The following SH3PXD2A variants were observed in gnomAD, a reference collection of about 807,000 sequenced individuals.
SH3PXD2A encodes SH3 and PX domain-containing protein 2A.
Under a neutral mutation model 115.2 loss-of-function variants are expected in SH3PXD2A, and 32 were observed. The ratio of observed to expected loss-of-function variants is 0.28; its 90% CI spans 0.21 to 0.37. The LOEUF is 0.37. SH3PXD2A is among the 10% of genes least tolerant of loss of function. SH3PXD2A has a pLI of 1.00. For synonymous variants in SH3PXD2A, 610 were observed against 629.1 expected (o/e 0.97, Z 0.45); for missense variants, 1,328 against 1,498.7 (o/e 0.89, Z 1.88).
At chr10:103,737,919 A>G (rs1343887273) in intron 3 of SH3PXD2A, among the ~76,000 whole-genome samples, 1 of 152,216 alleles carries the variant, frequency 6.6e-6, no homozygotes, top group East Asian at 1.9e-4. Context: ...ATCCTATTGC[A>G]TGTGACCTGC....
Position 103,696,893 on chromosome 10 carries a change from G to A in SH3PXD2A, c.399-3837C>T, listed in dbSNP as rs137901467. Reference sequence around the variant, plus strand: ...TTCAGGGCTCAAACTGGACAAACTGGGATGGGTGATCTCCTGTGGTCCACA... The same window carrying A: ...TTCAGGGCTCAAACTGGACAAACTGAGATGGGTGATCTCCTGTGGTCCACA... On this transcript the variant is annotated intron_variant, in intron 5 of 14. Transcript: ENST00000369774. Among the ~76,000 whole-genome samples the A allele has an allele frequency of 2.7e-3, 413 of 152,278 alleles. 3 individuals are homozygous for A. The highest frequency in any genetic ancestry group is 9.4e-3 in the African/African-American group (392 of 41,566).
At chr10:103,708,154 C>G (rs954816615) in intron 5 of SH3PXD2A, among the ~76,000 whole-genome samples, 2 of 152,218 alleles carry the variant, frequency 1.3e-5, no homozygotes, top group African/African-American at 4.8e-5. Context: ...GACACATGAG[C>G]CTGGCCTCCT....
intron 10 of SH3PXD2A, among the ~76,000 whole-genome samples, chr10:103,618,060 C>T (rs1446434526): frequency 2.6e-5 from 4 of 152,246 alleles, no homozygotes; most frequent in African/African-American, 9.6e-5. Flanking sequence ...ACATGCTGTG[C>T]CAACCACGCA....
At chr10:103,648,554 C>T (rs1189599712) in intron 8 of SH3PXD2A, among the ~76,000 whole-genome samples, 2 of 152,234 alleles carry the variant, frequency 1.3e-5, no homozygotes, top group Non-Finnish European at 2.9e-5. Flanking sequence ...ATCTTGTCCT[C>T]ATCTGACATA....
intron 10 of SH3PXD2A, 76 bp downstream of exon 10, chr10:103,622,394 G>A (rs955305334): frequency 4.1e-6 from 4 of 970,266 alleles, no homozygotes; most frequent in Non-Finnish European, 6.3e-6. Context: ...AGAGAGCAGA[G>A]CCCGGAAAGA....
At chr10:103,787,957 G>T (rs1200788175) in intron 2 of SH3PXD2A, among the ~76,000 whole-genome samples, 1 of 152,070 alleles carries the variant, frequency 6.6e-6, no homozygotes, top group Non-Finnish European at 1.5e-5. Flanking sequence ...CCAAACCCTG[G>T]TGGCTTTGGG....
At chr10:103,854,702 C>A (rs1263858307) in intron 1 of SH3PXD2A, among the ~76,000 whole-genome samples, 1 of 152,210 alleles carries the variant, frequency 6.6e-6, no homozygotes, top group Middle Eastern at 3.2e-3. Context: ...AAGGGGGCGG[C>A]GGCTTCCTTC....
chr10:103,606,365 A>C (rs1592257928), intron 13 of SH3PXD2A, among the ~76,000 whole-genome samples: 8 of 113,544 alleles, frequency 7.0e-5, no homozygotes, highest in East Asian at 2.7e-4. Context: ...ACACACCACC[A>C]CACCTGGTTA....
intron 3 of SH3PXD2A, among the ~76,000 whole-genome samples, chr10:103,750,597 C>A (rs1340794178): frequency 6.6e-6 from 1 of 152,180 alleles, no homozygotes; most frequent in Non-Finnish European, 1.5e-5. Context: ...TCATGTACCT[C>A]TGAGGCTGAG....
chr10:103,842,294 A>T (rs7915597), intron 1 of SH3PXD2A, among the ~76,000 whole-genome samples: 132,387 of 151,968 alleles, frequency 0.87, 58,805 homozygotes, highest in East Asian at 0.99. Flanking sequence ...TAGTTATACA[A>T]ATTTTGGGGG....
At chr10:103,835,776 T>C (rs1404481080) in intron 1 of SH3PXD2A, among the ~76,000 whole-genome samples, 1 of 152,136 alleles carries the variant, frequency 6.6e-6, no homozygotes, top group African/African-American at 2.4e-5. Context: ...ACAGCACACC[T>C]GCACCACTCT....
At position 103,602,437 on chromosome 10, in the gene SH3PXD2A, C is replaced by T. The variant is rs1351277534; in HGVS notation, c.2781G>A (p.Glu927=). The part of the protein sequence containing the change: ...RQNEGKSDSL[E]KIERRVQALN... ...GTGCTTGGACGCGCCTCTCGATCTTCTCCAGGCTGTCTGATTTGCCTTCGT... is the reference window on the plus strand; with the variant it reads ...GTGCTTGGACGCGCCTCTCGATCTTTTCCAGGCTGTCTGATTTGCCTTCGT... The change falls in exon 15 of 15, where the codon GAG becomes GAA. Residue 927 remains glutamate, a synonymous_variant. Coordinates refer to ENST00000369774, the MANE Select transcript of SH3PXD2A (RefSeq NM_001394015.1). 6.2e-7 allele frequency: 1 copy of T among 1,614,166 alleles called. No individual in the cohort carries two copies. The highest frequency in any genetic ancestry group is 1.7e-5 in the Admixed American group (1 of 60,030).
chr10:103,778,144 A>G (rs940412184), intron 2 of SH3PXD2A, among the ~76,000 whole-genome samples: 5 of 152,060 alleles, frequency 3.3e-5, no homozygotes, highest in Non-Finnish European at 7.4e-5. Context: ...CCTGGCTAAC[A>G]TGGTGAAACC....
chr10:103,616,739 C>T (rs573468483), intron 11 of SH3PXD2A, among the ~76,000 whole-genome samples: 16 of 152,350 alleles, frequency 1.1e-4, no homozygotes, highest in Non-Finnish European at 1.6e-4. Flanking sequence ...CACCCGCCCC[C>T]GCCCCCAGCC....
chr10:103,705,305 G>T (rs1463820809), intron 5 of SH3PXD2A, among the ~76,000 whole-genome samples: 1 of 152,224 alleles, frequency 6.6e-6, no homozygotes, highest in East Asian at 1.9e-4. Context: ...AAGGGCGGGC[G>T]TGGGCCAGGC....
At chr10:103,676,607 G>T (rs1010646133) in intron 6 of SH3PXD2A, among the ~76,000 whole-genome samples, 1 of 152,120 alleles carries the variant, frequency 6.6e-6, no homozygotes, top group African/African-American at 2.4e-5. Context: ...GAAGCTTCCT[G>T]GTTAAAGATA....
chr10:103,801,167 C>A, intron 2 of SH3PXD2A, 115 bp downstream of exon 2: 1 of 679,932 alleles, frequency 1.5e-6, no homozygotes, highest in Non-Finnish European at 2.7e-6. Context: ...CCTCTGCTCC[C>A]ACCTGGACTC....
intron 1 of SH3PXD2A, among the ~76,000 whole-genome samples, chr10:103,827,225 T>G (rs1220202075): frequency 1.3e-5 from 2 of 152,102 alleles, no homozygotes; most frequent in Non-Finnish European, 2.9e-5. Flanking sequence ...GGGATGGTGA[T>G]AAAAACTGGG....
intron 7 of SH3PXD2A, among the ~76,000 whole-genome samples, chr10:103,662,341 C>CGGGGGG (rs1196791691): frequency 3.9e-3 from 41 of 10,526 alleles, no homozygotes; most frequent in Non-Finnish European, 5.0e-3. Context: ...CCATTATTGG[C>CGGGGGG]GGGGGGGGGG....
Sources: gnomAD v4.1 joint callset for allele counts (sites outside exome capture counted in the v4.1 genomes callset) on GRCh38, gnomAD v4.1.1 for gene constraint, MANE v1.5 for transcripts, NCBI Gene and HGNC (gene_info 2026-07-23, HGNC 2026-07-21) for gene names.